The following KNTC1 variants were observed in gnomAD, a reference collection of about 807,000 sequenced individuals.
KNTC1 encodes the protein kinetochore associated 1, also known as kinetochore-associated protein 1.
KNTC1 carries 253 observed loss-of-function variants against 314.4 expected under a neutral mutation model. That is an observed-to-expected ratio of 0.80 (90% CI 0.73 to 0.89). The LOEUF is 0.89. Among genes scored for constraint, KNTC1 ranks in the 40% least tolerant of loss-of-function variants. The probability of loss-of-function intolerance (pLI) is 0.00; values close to 1 mark genes in which losing one functional copy is unlikely to be tolerated. For missense variants in KNTC1, 2,475 were observed against 2,572.9 expected, an observed-to-expected ratio of 0.96 and a Z score of 0.82; for synonymous variants, 901 against 901.4, an observed-to-expected ratio of 1.00 and a Z score of 0.01.
intron 19 of KNTC1, 150 bp downstream of exon 19, chr12:122,562,124 T>TA (rs1964015119): frequency 1.4e-6 from 1 of 738,906 alleles, no homozygotes; most frequent in African/African-American, 1.8e-5. Context: ...AATAGGTACT[T>TA]ACTTTATAAG....
At chr12:122,609,299 T>A (rs1872860762) in intron 51 of KNTC1, 85 bp from the exon 52 acceptor site, 1 of 816,224 alleles carries the variant, frequency 1.2e-6, no homozygotes, top group African/African-American at 1.7e-5. Context: ...TTAGGTTTTT[T>A]ATCTAATAGA....
chr12:122,609,469 T>G (rs1447666078), intron 52 of KNTC1, 39 bp downstream of exon 52: 3 of 1,308,648 alleles, frequency 2.3e-6, no homozygotes, highest in Non-Finnish European at 3.2e-6. Flanking sequence ...TATATCGTGA[T>G]GCAAAATAGA....
intron 52 of KNTC1, 64 bp downstream of exon 52, chr12:122,609,494 A>G (rs770636066): frequency 3.7e-6 from 4 of 1,083,250 alleles, no homozygotes; most frequent in Non-Finnish European, 5.3e-6. Context: ...TTACCAGTAC[A>G]TTTTTCAGCA....
Position 122,556,940 on chromosome 12 carries a change from T to TTTTA in KNTC1, c.1273-444_1273-443insTTTA, listed in dbSNP as rs71085823. On this transcript the variant is annotated intron_variant, in intron 16 of 63. Transcript: ENST00000333479. ...CTCTTTTTTTTTTTTTTTTTTTTTT[T>TTTTA]AAATAGGGTCTTACCATGTTGCCCA... Among the ~76,000 whole-genome samples the TTTTA allele has an allele frequency of 3.1e-3, 437 of 141,310 alleles. 3 individuals carry two copies. The highest frequency in any genetic ancestry group is 5.0e-3 in the Non-Finnish European group (320 of 64,222). The allele number at this position is 141,310 out of a possible 152,430, so 92.7% of individuals were successfully genotyped here.
intron 36 of KNTC1, among the ~76,000 whole-genome samples, chr12:122,585,253 G>T (rs1869075173): frequency 6.6e-6 from 1 of 151,912 alleles, no homozygotes. Flanking sequence ...TCTTGTCTAG[G>T]CTGGTCTTCA....
Position 122,557,641 on chromosome 12 carries a change from G to A in KNTC1, c.1440G>A (p.Trp480Ter). 6.2e-7 allele frequency: 1 copy of A among 1,613,410 alleles called. No individual in the cohort carries two copies. Among genetic ancestry groups the A allele is most frequent in the Non-Finnish European group, 8.5e-7 (1 of 1,179,656 alleles). ...TGAATTACTGCCTGAAAGCTCAGTG[G>A]ATAACCTATGAAACCACTCAAGAGA... Reference protein sequence around the residue: ...FVVNYCLKAQWITYETTQEML... With the variant: ...FVVNYCLKAQ Residue 480 changes from tryptophan to a stop codon, truncating the protein, a stop_gained, in exon 18 of 64, where the codon TGG becomes TGA. Coordinates refer to ENST00000333479, the MANE Select transcript of KNTC1 (RefSeq NM_014708.6). LOFTEE classifies it high-confidence loss of function.
Position 122,584,932 on chromosome 12 carries a change from T to C in KNTC1, c.3476T>C (p.Leu1159Ser). The stretch of plus-strand genomic sequence containing the variant: ...GCTTTAGAACTATGTAAACATACTT[T>C]AATGGCTGTAGAGCTTTCCAGACAA... ...LDALELCKHT[L>S]MAVELSRQCQ... Residue 1159 changes from leucine (L) to serine (S), a missense_variant, in exon 36 of 64, where the codon TTA (leucine) becomes TCA (serine). By Grantham distance (145) the Leu-to-Ser change is moderately radical. Transcript: ENST00000333479. 6.2e-7 allele frequency: 1 copy of C among 1,602,268 alleles called. No individual in the cohort carries two copies. Among genetic ancestry groups the C allele is most frequent in the Non-Finnish European group, 8.6e-7 (1 of 1,169,380 alleles).
chr12:122,547,010 T>G (rs1962823269), intron 10 of KNTC1, among the ~76,000 whole-genome samples: 1 of 151,428 alleles, frequency 6.6e-6, no homozygotes. Flanking sequence ...TTTTTTGTAT[T>G]TTTAGTAGAG....
At chr12:122,568,534 A>T (rs1456868805) in intron 21 of KNTC1, among the ~76,000 whole-genome samples, 162 bp downstream of exon 21, 1 of 152,170 alleles carries the variant, frequency 6.6e-6, no homozygotes, top group Non-Finnish European at 1.5e-5. Flanking sequence ...GGGCAAGGGG[A>T]TAAAAAAGAC....
At chr12:122,572,894 C>G in intron 24 of KNTC1, 43 bp from the exon 25 acceptor site, 2 of 1,372,796 alleles carry the variant, frequency 1.5e-6, no homozygotes, top group Non-Finnish European at 2.0e-6. Context: ...TTCTCTCATA[C>G]TTTTATTTTA....
chr12:122,591,038 A>T (rs1870113443), intron 41 of KNTC1, among the ~76,000 whole-genome samples: 1 of 152,070 alleles, frequency 6.6e-6, no homozygotes, highest in Non-Finnish European at 1.5e-5. Context: ...TTGTTTTTGT[A>T]GGATAAGTTT....
chr12:122,611,140 G>A (rs1489880394), intron 53 of KNTC1: 14 of 485,646 alleles, frequency 2.9e-5, no homozygotes, highest in South Asian at 2.3e-4. Flanking sequence ...AGTTTCCACT[G>A]GCTGTCTGCA....
chr12:122,576,095 T>C (rs1964999476), intron 29 of KNTC1, among the ~76,000 whole-genome samples, 196 bp downstream of exon 29: 1 of 152,182 alleles, frequency 6.6e-6, no homozygotes, highest in African/African-American at 2.4e-5. Flanking sequence ...GTTTCGCTCT[T>C]GCCGCCCAGG....
intron 2 of KNTC1, 110 bp downstream of exon 2, chr12:122,530,302 G>A: frequency 1.1e-6 from 1 of 898,346 alleles, no homozygotes; most frequent in Non-Finnish European, 1.7e-6. Context: ...CTTCCTCAGG[G>A]AATCAAGATT....
chr12:122,556,463 T>A (rs973048763), intron 16 of KNTC1, among the ~76,000 whole-genome samples: 24 of 151,440 alleles, frequency 1.6e-4, no homozygotes, highest in Non-Finnish European at 2.8e-4. Flanking sequence ...TGGGCTCTAG[T>A]TGTCACCATT....
intron 48 of KNTC1, 72 bp downstream of exon 48, chr12:122,603,315 G>A: frequency 9.6e-7 from 1 of 1,045,560 alleles, no homozygotes; most frequent in Non-Finnish European, 1.4e-6. Context: ...TTAAGGAGAA[G>A]CAGGATGGTA....
intron 17 of KNTC1, 42 bp downstream of exon 17, chr12:122,557,551 T>G: frequency 6.2e-7 from 1 of 1,612,004 alleles, no homozygotes; most frequent in South Asian, 1.1e-5. Flanking sequence ...TAGATTGACG[T>G]GTTGATCAAC....
rs373349450 is a variant in KNTC1, at chr12:122,551,700, A to G, written c.1272+4A>G. The G allele has an allele frequency of 2.5e-6, 4 of 1,604,342 alleles. No individual in the cohort carries two copies. Among genetic ancestry groups the G allele is most frequent in the Admixed American group, 1.7e-5 (1 of 59,994 alleles). ...TCAGTTTGGACTAGATGTTGAGGTA[A>G]TCATTCATGTATTCATTTGTTCACC... On this transcript the variant is annotated splice_donor_region_variant and intron_variant, in intron 16 of 63. Transcript: ENST00000333479.
chr12:122,539,175 G>T (rs1962086151), intron 4 of KNTC1, among the ~76,000 whole-genome samples: 1 of 152,134 alleles, frequency 6.6e-6, no homozygotes, highest in East Asian at 1.9e-4. Context: ...GCTAACTCAG[G>T]AGCAGGCAGC....
Sources: allele counts gnomAD v4.1 joint callset (sites outside exome capture counted in the v4.1 genomes callset), GRCh38; gene constraint gnomAD v4.1.1; transcripts MANE v1.5; gene names NCBI Gene and HGNC (gene_info 2026-07-23, HGNC 2026-07-21).